The following ARHGAP15 variants were observed in gnomAD, a reference collection of about 807,000 sequenced individuals.
ARHGAP15 encodes the protein rho GTPase-activating protein 15.
In ARHGAP15, 51 loss-of-function variants were observed where a neutral mutation model predicts 63.7. That is an observed-to-expected ratio of 0.80 (90% confidence interval 0.64 to 1.01). The LOEUF is 1.01. Among genes scored for constraint, ARHGAP15 ranks in the 50% least tolerant of loss-of-function variants. ARHGAP15 has a pLI of 0.00. For missense variants in ARHGAP15, 560 were observed against 564.6 expected (o/e 0.99, Z 0.08); for synonymous variants, 191 against 193.8 (o/e 0.99, Z 0.12).
chr2:143,382,162 A>G (rs1176459681), intron 6 of ARHGAP15, among the ~76,000 whole-genome samples: 1 of 145,412 alleles, frequency 6.9e-6, no homozygotes, highest in Admixed American at 7.1e-5. Context: ...TCCTTCCACC[A>G]GCCTCAGTGT....
chr2:143,613,954 C>T (rs757806831), intron 11 of ARHGAP15, among the ~76,000 whole-genome samples: 5 of 152,120 alleles, frequency 3.3e-5, no homozygotes, highest in Admixed American at 1.3e-4. Flanking sequence ...GACCTTCATG[C>T]TGTACCTTCT....
chr2:143,313,127 T>TA (rs1384309477), intron 6 of ARHGAP15, among the ~76,000 whole-genome samples: 1 of 151,796 alleles, frequency 6.6e-6, no homozygotes, highest in Non-Finnish European at 1.5e-5. Context: ...TCAGGAGAGT[T>TA]AAAAAAGAAA....
chr2:143,677,030 AAAAGGAAGTGATTGAAAGAC>A (rs979593746), intron 12 of ARHGAP15, among the ~76,000 whole-genome samples: 1 of 152,236 alleles, frequency 6.6e-6, no homozygotes, highest in African/African-American at 2.4e-5. Flanking sequence ...TTACTTCAAA[AAAAGGAAGTGATTGAAAGAC>A]CATTTATGGT....
At chr2:143,350,340 G>A (rs1284601438) in intron 6 of ARHGAP15, among the ~76,000 whole-genome samples, 1 of 151,042 alleles carries the variant, frequency 6.6e-6, no homozygotes, top group Non-Finnish European at 1.5e-5. Flanking sequence ...GTAATAGTTA[G>A]GAGAGTTCAT....
At chr2:143,708,001 C>G (rs1684409551) in intron 13 of ARHGAP15, among the ~76,000 whole-genome samples, 1 of 151,910 alleles carries the variant, frequency 6.6e-6, no homozygotes, top group Non-Finnish European at 1.5e-5. Flanking sequence ...TTCTTTTTAC[C>G]CCCTAATAAT....
chr2:143,405,183 A>G lies in ARHGAP15; in HGVS notation c.475-30418A>G, dbSNP rs187903356. Among the ~76,000 whole-genome samples, 684 of 152,040 alleles carry G rather than the reference A, an allele frequency of 4.5e-3. 8 individuals are homozygous for G. The highest frequency in any genetic ancestry group is 0.016 in the African/African-American group (663 of 41,526). On this transcript the variant is annotated intron_variant, in intron 6 of 13. Transcript: ENST00000295095. ...AATTTAATGTGTGATAGGAGAAAGC[A>G]TTTTATGAAGTATATTAAGTAAGTT...
At chr2:143,759,341 CA>C (rs758168169) in intron 13 of ARHGAP15, among the ~76,000 whole-genome samples, 2 of 151,986 alleles carry the variant, frequency 1.3e-5, no homozygotes, top group Admixed American at 6.6e-5. Context: ...CATTCTCTTC[CA>C]TATAAGGTAA....
intron 8 of ARHGAP15, among the ~76,000 whole-genome samples, chr2:143,452,155 A>C (rs750343322): frequency 6.6e-6 from 1 of 152,026 alleles, no homozygotes; most frequent in African/African-American, 2.4e-5. Context: ...TTCATTATAC[A>C]CAGAGAATCG....
chr2:143,470,797 CAT>C (rs71404474), intron 8 of ARHGAP15, among the ~76,000 whole-genome samples: 38,358 of 147,360 alleles, frequency 0.26, 5,755 homozygotes, highest in East Asian at 0.69. Flanking sequence ...AACAGGTTGG[CAT>C]ATATATATAT....
At chr2:143,199,217 T>G (rs1692006568) in intron 2 of ARHGAP15, among the ~76,000 whole-genome samples, 1 of 152,126 alleles carries the variant, frequency 6.6e-6, no homozygotes, top group Non-Finnish European at 1.5e-5. Flanking sequence ...TATTCTGCCC[T>G]CAGTTTCCTC....
At chr2:143,201,286 T>C (rs7568927) in intron 2 of ARHGAP15, among the ~76,000 whole-genome samples, 25,283 of 151,016 alleles carry the variant, frequency 0.17, 2,267 homozygotes, top group Middle Eastern at 0.24. Context: ...CCTAGCTAAT[T>C]AAAAAAAAAT....
At chr2:143,691,117 C>A (rs1559128502) in intron 12 of ARHGAP15, among the ~76,000 whole-genome samples, 1 of 152,240 alleles carries the variant, frequency 6.6e-6, no homozygotes, top group East Asian at 1.9e-4. Flanking sequence ...CTGGTCATAA[C>A]GAATTGTGCA....
chr2:143,154,834 CCTT>C (rs1690016251), intron 1 of ARHGAP15, among the ~76,000 whole-genome samples: 1 of 151,874 alleles, frequency 6.6e-6, no homozygotes, highest in African/African-American at 2.4e-5. Flanking sequence ...AAATCAGACT[CCTT>C]CTATTAAAAT....
intron 6 of ARHGAP15, among the ~76,000 whole-genome samples, chr2:143,357,171 T>C (rs1685846608): frequency 6.6e-6 from 1 of 152,178 alleles, no homozygotes; most frequent in Admixed American, 6.5e-5. Context: ...GTATTATGGG[T>C]TATACAATTT....
intron 12 of ARHGAP15, among the ~76,000 whole-genome samples, chr2:143,663,307 G>A (rs1365476996): frequency 5.9e-5 from 9 of 151,532 alleles, no homozygotes; most frequent in Non-Finnish European, 1.2e-4. Flanking sequence ...TTCATACCCA[G>A]CCAAACTAAG....
At chr2:143,525,233 G>A (rs1406801906) in intron 10 of ARHGAP15, among the ~76,000 whole-genome samples, 3 of 151,934 alleles carry the variant, frequency 2.0e-5, no homozygotes. Flanking sequence ...AGTTTGTGAT[G>A]AGATTCTTGA....
chr2:143,623,201 G>T (rs900210356), intron 11 of ARHGAP15, among the ~76,000 whole-genome samples: 5 of 152,196 alleles, frequency 3.3e-5, no homozygotes, highest in African/African-American at 1.2e-4. Flanking sequence ...TTTATGTCAA[G>T]ATGTCCCTTT....
At chr2:143,345,098 C>T (rs1343431539) in intron 6 of ARHGAP15, among the ~76,000 whole-genome samples, 1 of 152,100 alleles carries the variant, frequency 6.6e-6, no homozygotes, top group East Asian at 1.9e-4. Context: ...TAACTTTATA[C>T]TGTTAGCATT....
chr2:143,611,705 G>C (rs112386671), intron 11 of ARHGAP15, among the ~76,000 whole-genome samples: 1 of 152,172 alleles, frequency 6.6e-6, no homozygotes, highest in African/African-American at 2.4e-5. Flanking sequence ...CCAAACAAAA[G>C]TGTCAATAGC....
Sources: allele counts gnomAD v4.1 joint callset (sites outside exome capture counted in the v4.1 genomes callset), GRCh38; gene constraint gnomAD v4.1.1; transcripts MANE v1.5; gene names NCBI Gene and HGNC (gene_info 2026-07-23, HGNC 2026-07-21).